Variants in TGFBRAP1 observed in about 807,000 individuals in gnomAD.
TGFBRAP1 encodes the protein transforming growth factor beta receptor associated protein 1, also known as transforming growth factor-beta receptor-associated protein 1.
TGFBRAP1 carries 20 observed loss-of-function variants against 83.2 expected under a neutral mutation model. The ratio of observed to expected loss-of-function variants is 0.24; its 90% CI spans 0.17 to 0.35. The LOEUF (loss-of-function observed/expected upper bound fraction) is 0.35, where lower values mean the gene tolerates loss of function less well. Among genes scored for constraint, TGFBRAP1 ranks in the 10% least tolerant of loss-of-function variants. The probability of loss-of-function intolerance (pLI) is 1.00; values close to 1 mark genes in which losing one functional copy is unlikely to be tolerated. For missense variants in TGFBRAP1, 950 were observed against 1,099.4 expected, an observed-to-expected ratio of 0.86 and a Z score of 1.92; for synonymous variants, 415 against 459.8, an observed-to-expected ratio of 0.90 and a Z score of 1.25.
downstream of TGFBRAP1, among the ~76,000 whole-genome samples, chr2:105,263,024 G>A (rs913664518): frequency 2.0e-5 from 3 of 152,152 alleles, no homozygotes; most frequent in African/African-American, 2.4e-5. Context: ...ACTCTAACAC[G>A]AGTCACAGCC....
chr2:105,320,830 C>T (rs1295918166), intron 1 of TGFBRAP1, among the ~76,000 whole-genome samples: 16 of 152,232 alleles, frequency 1.1e-4, no homozygotes, highest in Admixed American at 1.0e-3. Flanking sequence ...GTAAACACTA[C>T]TCTCTAGATA....
At position 105,307,721 on chromosome 2, in the gene TGFBRAP1, C is replaced by G. The variant is rs1678554242; in HGVS notation, c.581G>C (p.Ser194Thr). 6.2e-7 allele frequency: 1 copy of G among 1,614,128 alleles called. No individual in the cohort carries two copies. Among genetic ancestry groups the G allele is most frequent in the Non-Finnish European group, 8.5e-7 (1 of 1,180,032 alleles). ...AAACAGGTCCTGGGAGACGCCTGTG[C>G]TGTAATTGTGGATGATGTACTGAGT... ...LTTQYIIHNY[S>T]TGVSQDLFPY... Residue 194 changes from serine to threonine, a missense_variant, in exon 2 of 12, where the codon AGC becomes ACC. By Grantham distance (58) the Ser-to-Thr change is moderately conservative. Transcript: ENST00000393359.
At chr2:105,280,772 A>G (rs1182941527) in intron 5 of TGFBRAP1, 49 bp from the exon 6 acceptor site, 2 of 1,541,506 alleles carry the variant, frequency 1.3e-6, no homozygotes, top group East Asian at 2.4e-5. Flanking sequence ...AGAAGAGTAC[A>G]CATAGGCACA....
chr2:105,274,795 G>A (rs967948029), intron 8 of TGFBRAP1, among the ~76,000 whole-genome samples: 1 of 152,230 alleles, frequency 6.6e-6, no homozygotes, highest in Admixed American at 6.5e-5. Context: ...TCAGGTCTTA[G>A]AAAGGCAGAT....
chr2:105,283,573 A>G (rs115120227), intron 5 of TGFBRAP1, among the ~76,000 whole-genome samples: 1,859 of 152,316 alleles, frequency 0.012, 48 homozygotes, highest in African/African-American at 0.043. Flanking sequence ...ACGATATTTC[A>G]AGACTCTCAT....
chr2:105,308,013 T>C lies in TGFBRAP1; in HGVS notation c.289A>G (p.Asn97Asp), dbSNP rs763512469. 6.2e-7 allele frequency: 1 copy of C among 1,614,196 alleles called. No homozygotes were observed. Among genetic ancestry groups the C allele is most frequent in the South Asian group, 1.1e-5 (1 of 91,088 alleles). Residue 97 changes from asparagine to aspartate, a missense_variant, in exon 2 of 12, where the codon AAC becomes GAC. Asn to Asp is a conservative substitution (Grantham distance 23, BLOSUM62 1). Transcript: ENST00000393359. The part of the protein sequence containing the change: ...ALNRLLVLCD[N>D]SISLVNMLNL... The stretch of plus-strand genomic sequence containing the variant: ...AGCATGTTGACCAGGCTGATGGAGT[T>C]GTCACACAGCACCAGCAGCCTGTTG...
the TGFBRAP1 span, among the ~76,000 whole-genome samples, chr2:105,254,597 A>G: frequency 6.6e-6 from 1 of 152,028 alleles, no homozygotes; most frequent in African/African-American, 2.4e-5. Context: ...TGAGTCACCT[A>G]GACTCAAGAA....
At chr2:105,314,573 G>A (rs1202104858) in intron 1 of TGFBRAP1, among the ~76,000 whole-genome samples, 2 of 151,906 alleles carry the variant, frequency 1.3e-5, no homozygotes, top group African/African-American at 4.8e-5. Flanking sequence ...TCTTACGGCA[G>A]CCCTAGAAAG....
intron 2 of TGFBRAP1, among the ~76,000 whole-genome samples, chr2:105,306,061 G>GTTTTTTTT (rs67017916): frequency 6.7e-5 from 5 of 74,898 alleles, no homozygotes; most frequent in Non-Finnish European, 1.2e-4. Context: ...TTTGTTTTTT[G>GTTTTTTTT]TTTTTTGTTT....
chr2:105,313,720 G>A (rs753269353), intron 1 of TGFBRAP1, among the ~76,000 whole-genome samples: 6 of 152,050 alleles, frequency 3.9e-5, no homozygotes, highest in Non-Finnish European at 5.9e-5. Flanking sequence ...TATTAAAAAT[G>A]CAATATGGCT....
intron 2 of TGFBRAP1, among the ~76,000 whole-genome samples, chr2:105,304,851 T>C (rs1678442392): frequency 6.6e-6 from 1 of 152,032 alleles, no homozygotes; most frequent in African/African-American, 2.4e-5. Context: ...ACATACTGTA[T>C]GGTCCCAACT....
intron 4 of TGFBRAP1, among the ~76,000 whole-genome samples, chr2:105,290,156 T>C (rs985046230): frequency 3.3e-5 from 5 of 152,220 alleles, no homozygotes; most frequent in African/African-American, 1.2e-4. Flanking sequence ...AACCTCCGCC[T>C]CACGGGTTCA....
chr2:105,316,932 T>C (rs1462990458), intron 1 of TGFBRAP1, among the ~76,000 whole-genome samples: 2 of 152,038 alleles, frequency 1.3e-5, no homozygotes, highest in Non-Finnish European at 2.9e-5. Flanking sequence ...GTAATTAAGA[T>C]AATGTTGGAC....
chr2:105,253,687 A>G, the TGFBRAP1 span, among the ~76,000 whole-genome samples: 3 of 152,040 alleles, frequency 2.0e-5, no homozygotes, highest in Non-Finnish European at 4.4e-5. Context: ...CCCCCACCTC[A>G]GCCTCCCAAA....
chr2:105,252,112 C>T, the TGFBRAP1 span, among the ~76,000 whole-genome samples: 3 of 151,024 alleles, frequency 2.0e-5, no homozygotes, highest in African/African-American at 7.3e-5. Context: ...TCCCCCTCTG[C>T]GAGAAACACC....
intron 4 of TGFBRAP1, among the ~76,000 whole-genome samples, chr2:105,293,250 T>C (rs1677974617): frequency 6.6e-6 from 1 of 152,238 alleles, no homozygotes; most frequent in African/African-American, 2.4e-5. Flanking sequence ...AGAAATCAGG[T>C]AATATTTTGT....
At chr2:105,296,820 A>G (rs1168369483) in intron 3 of TGFBRAP1, among the ~76,000 whole-genome samples, 2 of 137,244 alleles carry the variant, frequency 1.5e-5, no homozygotes, top group African/African-American at 5.5e-5. Flanking sequence ...TCAGTGTAGT[A>G]AACGCATAAT....
downstream of TGFBRAP1, among the ~76,000 whole-genome samples, chr2:105,262,873 C>T (rs141858136): frequency 3.9e-5 from 6 of 152,314 alleles, no homozygotes; most frequent in African/African-American, 7.2e-5. Flanking sequence ...AAGCCTTGGA[C>T]GGTGCTCCAG....
Position 105,296,351 on chromosome 2 carries a change from C to G in TGFBRAP1, c.1038+5G>C. On this transcript the variant is annotated splice_donor_5th_base_variant and intron_variant, in intron 4 of 11. Coordinates refer to ENST00000393359, the MANE Select transcript of TGFBRAP1 (RefSeq NM_004257.6). The stretch of plus-strand genomic sequence containing the variant: ...GCATATTTCTGTGACCAGTTAATTA[C>G]AAACCTGAAATTTTTCCTTTGGAAT... The G allele has an allele frequency of 6.2e-7, 1 of 1,613,466 alleles. No individual in the cohort carries two copies. Among genetic ancestry groups the G allele is most frequent in the Non-Finnish European group, 8.5e-7 (1 of 1,179,900 alleles).
Sources: allele counts gnomAD v4.1 joint callset (sites outside exome capture counted in the v4.1 genomes callset), GRCh38; gene constraint gnomAD v4.1.1; transcripts MANE v1.5; gene names NCBI Gene and HGNC (gene_info 2026-07-23, HGNC 2026-07-21).